The following CLUAP1 variants were observed in gnomAD, a reference collection of about 807,000 sequenced individuals.
CLUAP1 encodes the protein intraflagellar transport 38, also known as clusterin-associated protein 1.
Under a neutral mutation model 55.0 loss-of-function variants are expected in CLUAP1, and 50 were observed. The observed-to-expected ratio is 0.91, with a 90% confidence interval of 0.72 to 1.15. The LOEUF (loss-of-function observed/expected upper bound fraction) is 1.15. Ranked by LOEUF, CLUAP1 falls within the 50% of genes most tolerant of loss-of-function variation. The pLI, the probability that CLUAP1 is intolerant of heterozygous loss-of-function variation, is 0.00. For synonymous variants in CLUAP1, 195 were observed against 175.4 expected, an observed-to-expected ratio of 1.11 and a Z score of -0.88; for missense variants, 530 against 507.6, an observed-to-expected ratio of 1.04 and a Z score of -0.42.
chr16:3,510,742 G>C (rs190169932), intron 4 of CLUAP1, among the ~76,000 whole-genome samples: 8 of 152,338 alleles, frequency 5.3e-5, no homozygotes, highest in Admixed American at 1.3e-4. Context: ...TGTGGCTATT[G>C]GTTACTATAT....
Position 3,532,857 on chromosome 16 carries a change from C to A in CLUAP1, c.1092+16C>A. On this transcript the variant is annotated intron_variant, in intron 11 of 11. Coordinates refer to ENST00000576634, the MANE Select transcript of CLUAP1 (RefSeq NM_015041.3). ...CGATGACAATGTAAGTCCCCCGCTC[C>A]CCTCAGTGGTTCTGTGCACTCTGGG... The A allele has an allele frequency of 6.2e-7, 1 of 1,613,806 alleles. No homozygotes were observed. The highest frequency in any genetic ancestry group is 8.5e-7 in the Non-Finnish European group (1 of 1,179,720).
chr16:3,527,517 AC>A (rs1275171688), intron 9 of CLUAP1, among the ~76,000 whole-genome samples: 1 of 152,028 alleles, frequency 6.6e-6, no homozygotes, highest in African/African-American at 2.4e-5. Flanking sequence ...AACACCTGCT[AC>A]TTAGCAGACC....
At chr16:3,531,681 T>G (rs992394455) in intron 10 of CLUAP1, among the ~76,000 whole-genome samples, 12 of 152,306 alleles carry the variant, frequency 7.9e-5, no homozygotes, top group African/African-American at 2.9e-4. Flanking sequence ...TACCTTTCTG[T>G]ACATATACAT....
At chr16:3,531,181 G>A (rs554050059) in intron 10 of CLUAP1, among the ~76,000 whole-genome samples, 160 of 152,070 alleles carry the variant, frequency 1.1e-3, no homozygotes, top group Non-Finnish European at 6.8e-4. Context: ...GATTGTGTCC[G>A]TGAATATCCA....
intron 7 of CLUAP1, among the ~76,000 whole-genome samples, chr16:3,521,169 G>GA (rs570251084): frequency 0.012 from 1,620 of 133,850 alleles, 7 homozygotes; most frequent in African/African-American, 0.017. Flanking sequence ...CTCAGAGAGG[G>GA]AAAAAAAAAA....
chr16:3,512,351 T>G, intron 4 of CLUAP1, 32 bp from the exon 5 acceptor site: 2 of 1,535,872 alleles, frequency 1.3e-6, no homozygotes, highest in Non-Finnish European at 1.8e-6. Context: ...CATCTGTTGC[T>G]GAGGTTTCTG....
chr16:3,512,291 T>C, intron 4 of CLUAP1, 92 bp from the exon 5 acceptor site: 1 of 924,596 alleles, frequency 1.1e-6, no homozygotes, highest in South Asian at 1.4e-5. Flanking sequence ...AGGCCAGGAG[T>C]TAGAGAGCAG....
At chr16:3,517,948 A>C (rs903775409) in intron 6 of CLUAP1, among the ~76,000 whole-genome samples, 2 of 152,156 alleles carry the variant, frequency 1.3e-5, no homozygotes, top group Non-Finnish European at 2.9e-5. Context: ...GGCAGCTCCT[A>C]TCTGCTGTTG....
chr16:3,520,792 G>A (rs1346495082), intron 7 of CLUAP1, among the ~76,000 whole-genome samples: 5 of 152,004 alleles, frequency 3.3e-5, no homozygotes, highest in Admixed American at 1.3e-4. Flanking sequence ...TTCTTCCTAC[G>A]TTACCTCATT....
chr16:3,510,578 C>T (rs1051539339), intron 4 of CLUAP1, among the ~76,000 whole-genome samples: 3 of 152,136 alleles, frequency 2.0e-5, no homozygotes, highest in Non-Finnish European at 2.9e-5. Flanking sequence ...TTGGGGCAGC[C>T]GTGCGGCAGA....
chr16:3,508,619 C>CA, intron 4 of CLUAP1, 151 bp downstream of exon 4: 1 of 616,374 alleles, frequency 1.6e-6, no homozygotes, highest in Non-Finnish European at 2.6e-6. Flanking sequence ...TGGATAAAGT[C>CA]AAAGTCACAA....
At chr16:3,534,453 A>G (rs950318101) in intron 11 of CLUAP1, 1 of 152,770 alleles carries the variant, frequency 6.5e-6, no homozygotes, top group Non-Finnish European at 1.5e-5. Context: ...GCAGGGTGAG[A>G]TGAAGACTCT....
chr16:3,527,444 G>A lies in CLUAP1; in HGVS notation c.928+960G>A, dbSNP rs188224593. On this transcript the variant is annotated intron_variant, in intron 9 of 11. Coordinates refer to ENST00000576634, the MANE Select transcript of CLUAP1 (RefSeq NM_015041.3). ...TCCTTGGTCTAGTGGGAACACCAGC[G>A]TCTGGGAAGCCGCCCGTTGCCAAGT... is the stretch of plus-strand genomic sequence containing the variant. Among the ~76,000 whole-genome samples, 227 of 152,228 alleles carry A rather than the reference G, an allele frequency of 1.5e-3. 1 individual carries two copies. Among genetic ancestry groups the A allele is most frequent in the South Asian group, 6.8e-3 (33 of 4,824 alleles).
In CLUAP1 at chr16:3,501,016, A is replaced by T. The variant is rs1567418994; in HGVS notation, c.-52A>T. 6.3e-7 allele frequency: 1 copy of T among 1,579,012 alleles called. No individual in the cohort carries two copies. The highest frequency in any genetic ancestry group is 1.1e-5 in the South Asian group (1 of 87,528). On this transcript the variant is annotated 5_prime_UTR_variant, in exon 1 of 12. Coordinates refer to ENST00000576634, the MANE Select transcript of CLUAP1 (RefSeq NM_015041.3). The stretch of plus-strand genomic sequence containing the variant: ...GAGATCGTCGAGCGCTGGGCCTGTG[A>T]TCGCTGAGGGGCGAGCAGTTGCGAC...
At chr16:3,499,260 G>T (rs751882887), upstream of CLUAP1, among the ~76,000 whole-genome samples, 2 of 152,214 alleles carry the variant, frequency 1.3e-5, no homozygotes, top group Non-Finnish European at 2.9e-5. Context: ...CAGGAAAATC[G>T]CTTGAACCCT....
In CLUAP1 at chr16:3,503,844, T is replaced by G. The variant is rs547793567; in HGVS notation, c.23-876T>G. ...TTTGCTGTTTCCTGTGCTCACACTT[T>G]CTGTTTCATTGTCTTGCGAAGTCTG... On this transcript the variant is annotated intron_variant, in intron 1 of 11. Coordinates refer to ENST00000576634, the MANE Select transcript of CLUAP1 (RefSeq NM_015041.3). 1.4e-3 allele frequency among the ~76,000 whole-genome samples: 215 copies of G among 152,336 alleles called. 1 individual carries two copies. The highest frequency in any genetic ancestry group is 5.0e-3 in the African/African-American group (208 of 41,570).
intron 9 of CLUAP1, among the ~76,000 whole-genome samples, chr16:3,529,013 A>T (rs1211114376): frequency 6.6e-6 from 1 of 151,982 alleles, no homozygotes; most frequent in Non-Finnish European, 1.5e-5. Flanking sequence ...TAAAATATAT[A>T]CAGCATTGTA....
In CLUAP1 at chr16:3,529,447, TATATTATTA is replaced by T. The variant is rs1481675667; in HGVS notation, c.929-1120_929-1112del. ...ATTATATATAATATATATTATATTA[TATATTATTA>T]TATATAATATATATTATATTATATA... On this transcript the variant is annotated intron_variant, in intron 9 of 11. Transcript: ENST00000576634. 1.4e-3 allele frequency among the ~76,000 whole-genome samples: 103 copies of T among 74,528 alleles called. 1 individual carries two copies. Among genetic ancestry groups the T allele is most frequent in the Admixed American group, 2.3e-3 (9 of 3,952 alleles). 48.9% of individuals were successfully genotyped at this position (74,528 alleles called of 152,430 possible). A position where few individuals can be genotyped will look rare whatever the true frequency, so the allele number is the denominator to read the frequency against.
At chr16:3,526,814 C>A (rs1043004466) in intron 9 of CLUAP1, among the ~76,000 whole-genome samples, 1 of 152,000 alleles carries the variant, frequency 6.6e-6, no homozygotes, top group Non-Finnish European at 1.5e-5. Context: ...ATAGTGTTTT[C>A]CCCTGTTTAA....
Sources: gnomAD v4.1 joint callset for allele counts (sites outside exome capture counted in the v4.1 genomes callset) on GRCh38, gnomAD v4.1.1 for gene constraint, MANE v1.5 for transcripts, NCBI Gene and HGNC (gene_info 2026-07-23, HGNC 2026-07-21) for gene names.